RUVBL1: variants seen among roughly 807,000 people sequenced by gnomAD.
RUVBL1 encodes the protein RuvB like AAA ATPase 1.
A neutral mutation model predicts 52.4 loss-of-function variants in RUVBL1; 4 were observed. The ratio of observed to expected loss-of-function variants is 0.08; its 90% CI spans 0.04 to 0.17. The LOEUF (loss-of-function observed/expected upper bound fraction) is 0.17. RUVBL1 is among the 10% of genes least tolerant of loss of function. The pLI, the probability that RUVBL1 is intolerant of heterozygous loss-of-function variation, is 1.00. For synonymous variants in RUVBL1, 217 were observed against 214.4 expected, an observed-to-expected ratio of 1.01 and a Z score of -0.10; for missense variants, 298 against 572.8, an observed-to-expected ratio of 0.52 and a Z score of 4.90.
intron 8 of RUVBL1, among the ~76,000 whole-genome samples, chr3:128,090,633 T>C (rs903601641): frequency 6.6e-6 from 1 of 152,248 alleles, no homozygotes; most frequent in African/African-American, 2.4e-5. Flanking sequence ...GAATGTCTTT[T>C]TAAAATTAAG....
chr3:128,101,469 C>T (rs1943106643), intron 5 of RUVBL1, 90 bp downstream of exon 5: 2 of 1,223,844 alleles, frequency 1.6e-6, no homozygotes, highest in Middle Eastern at 4.5e-4. Context: ...ACACACCCCA[C>T]ACCCTCTGAA....
chr3:128,085,302 C>G lies in RUVBL1; in HGVS notation c.1119+2404G>C, dbSNP rs60621885. Among the ~76,000 whole-genome samples, 1,204 of 152,010 alleles carry G rather than the reference C, an allele frequency of 7.9e-3. 18 individuals are homozygous for G. Among genetic ancestry groups the G allele is most frequent in the African/African-American group, 0.028 (1,154 of 41,438 alleles). ...GCTCGGTGAGATGCACCAAATTGCT[C>G]AAGTCATTCAGTAGGCAAATGGTGT... On this transcript the variant is annotated intron_variant, in intron 9 of 10. Coordinates refer to ENST00000322623, the MANE Select transcript of RUVBL1 (RefSeq NM_003707.3).
intron 8 of RUVBL1, among the ~76,000 whole-genome samples, chr3:128,089,593 A>C (rs902597277): frequency 1.3e-5 from 2 of 152,010 alleles, no homozygotes; most frequent in Non-Finnish European, 2.9e-5. Flanking sequence ...GTTGAGGTAT[A>C]AAAATGCATA....
At chr3:128,153,868 G>T (rs1356133412) in exon 1 of RUVBL1, 4 of 1,458,128 alleles carry the variant, frequency 2.7e-6, no homozygotes, top group Non-Finnish European at 9.0e-7. Flanking sequence ...GACGCGGGCG[G>T]AGCGACCGGG....
chr3:128,121,957 G>C (rs1440685185), intron 1 of RUVBL1, among the ~76,000 whole-genome samples: 2 of 152,170 alleles, frequency 1.3e-5, no homozygotes, highest in Admixed American at 1.3e-4. Flanking sequence ...GTCTTTAAAA[G>C]ATCACCTAGT....
At chr3:128,147,781 A>G (rs1944126082) in intron 1 of RUVBL1, among the ~76,000 whole-genome samples, 1 of 152,240 alleles carries the variant, frequency 6.6e-6, no homozygotes, top group Non-Finnish European at 1.5e-5. Context: ...TTATGTTGGC[A>G]TAAAACCTAT....
intron 9 of RUVBL1, chr3:128,069,409 C>G (rs995516600): frequency 2.0e-6 from 3 of 1,485,792 alleles, no homozygotes; most frequent in African/African-American, 2.8e-5. Flanking sequence ...TCAGGTGAGC[C>G]TGTTGGCCGC....
At chr3:128,148,042 G>A (rs551757933) in intron 1 of RUVBL1, among the ~76,000 whole-genome samples, 4 of 152,298 alleles carry the variant, frequency 2.6e-5, no homozygotes, top group South Asian at 2.1e-4. Flanking sequence ...TTCTGGAAAA[G>A]GCAAAGCCTG....
chr3:128,125,101 G>A (rs964102934), upstream of RUVBL1, among the ~76,000 whole-genome samples: 14 of 126,142 alleles, frequency 1.1e-4, no homozygotes, highest in South Asian at 1.9e-3. Context: ...TGCAAGCTCC[G>A]CCTCCCGGGT....
At chr3:128,098,815 A>G in intron 7 of RUVBL1, 67 bp downstream of exon 7, 2 of 1,352,964 alleles carry the variant, frequency 1.5e-6, no homozygotes, top group South Asian at 1.2e-5. Context: ...ACAGAGCCGC[A>G]AGAGCATCTC....
At position 128,153,651 on chromosome 3, in the gene RUVBL1, G is replaced by T. The variant is rs148745324; in HGVS notation, c.-488C>A. The T allele has an allele frequency of 3.7e-3, 5,891 of 1,598,438 alleles. 21 individuals carry two copies. The highest frequency in any genetic ancestry group is 4.3e-3 in the Non-Finnish European group (5,030 of 1,178,174). ...CGCAGAGCCGCGAGCGCGGCATCAC[G>T]CTCGATCTGGGCTTCTCGTGCTTCT... On this transcript the variant is annotated 5_prime_UTR_variant, in exon 1 of 10. Coordinates refer to the RUVBL1 transcript ENST00000464873.
At chr3:128,065,732 A>ATTTTT (rs758640768) in intron 9 of RUVBL1, among the ~76,000 whole-genome samples, 3,218 of 97,320 alleles carry the variant, frequency 0.033, 160 homozygotes, top group Non-Finnish European at 0.045. Context: ...ATCATTAAGA[A>ATTTTT]TTTTTTTTTT....
At chr3:128,137,661 G>A (rs1387568943) in intron 1 of RUVBL1, among the ~76,000 whole-genome samples, 1 of 152,180 alleles carries the variant, frequency 6.6e-6, no homozygotes, top group African/African-American at 2.4e-5. Context: ...AAAAATAGAG[G>A]AGGGAATACT....
intron 1 of RUVBL1, among the ~76,000 whole-genome samples, chr3:128,151,854 A>G (rs1213761414): frequency 6.6e-6 from 1 of 152,176 alleles, no homozygotes; most frequent in East Asian, 1.9e-4. Context: ...ACATCCGCAC[A>G]TGGTCTGGCT....
intron 5 of RUVBL1, 107 bp downstream of exon 5, chr3:128,101,452 C>A: frequency 1.0e-6 from 1 of 988,466 alleles, no homozygotes; most frequent in Non-Finnish European, 1.6e-6. Context: ...GACACCAGCC[C>A]CTCCCCACAC....
chr3:128,099,953 C>T (rs1028745098), intron 6 of RUVBL1, among the ~76,000 whole-genome samples: 1 of 152,170 alleles, frequency 6.6e-6, no homozygotes, highest in African/African-American at 2.4e-5. Context: ...TTTCACCAAC[C>T]AAGGGGACCT....
At chr3:128,150,830 T>TATAA (rs1214276670) in intron 1 of RUVBL1, among the ~76,000 whole-genome samples, 1 of 83,706 alleles carries the variant, frequency 1.2e-5, no homozygotes, top group African/African-American at 4.8e-5. Flanking sequence ...ATTCTATATA[T>TATAA]TATATATTCT....
chr3:128,080,956 C>A lies in RUVBL1; in HGVS notation c.*294G>T, dbSNP rs1190587384. ...GTATGTTCACAATGACTCTGTACATCTAAAACTGTTCTGAAAAGTTTATTT... is the reference window on the plus strand; with the variant it reads ...GTATGTTCACAATGACTCTGTACATATAAAACTGTTCTGAAAAGTTTATTT... On this transcript the variant is annotated 3_prime_UTR_variant, in exon 11 of 11. Transcript: ENST00000322623. 8.7e-6 allele frequency: 3 copies of A among 344,380 alleles called. 1 individual carries two copies. The highest frequency in any genetic ancestry group is 1.6e-5 in the Non-Finnish European group (3 of 188,352). The allele number at this position is 344,380 out of a possible 1,614,324, so 21.3% of individuals were successfully genotyped here.
At chr3:128,128,307 A>G (rs1419558479), upstream of RUVBL1, among the ~76,000 whole-genome samples, 1 of 152,212 alleles carries the variant, frequency 6.6e-6, no homozygotes, top group Non-Finnish European at 1.5e-5. Flanking sequence ...ACATTAGTTA[A>G]AAGATTAGTT....
Sources: allele counts gnomAD v4.1 joint callset (sites outside exome capture counted in the v4.1 genomes callset), GRCh38; gene constraint gnomAD v4.1.1; transcripts MANE v1.5; gene names NCBI Gene and HGNC (gene_info 2026-07-23, HGNC 2026-07-21).